ITPKC: variants seen among roughly 807,000 people sequenced by gnomAD.
ITPKC encodes the protein inositol-trisphosphate 3-kinase C, also known as IP3 3-kinase C.
ITPKC carries 33 observed loss-of-function variants against 67.1 expected under a neutral mutation model. The observed-to-expected ratio is 0.49, with a 90% CI of 0.37 to 0.66. ITPKC has a LOEUF of 0.66. Ranked by LOEUF, ITPKC falls within the 30% of genes least tolerant of loss-of-function variation. The pLI is 0.00. For missense variants in ITPKC, 820 were observed against 892.1 expected (o/e 0.92, Z 1.03); for synonymous variants, 341 against 359.8 (o/e 0.95, Z 0.59).
chr19:40,736,226 C>G (rs569938205), intron 4 of ITPKC, among the ~76,000 whole-genome samples: 1 of 151,910 alleles, frequency 6.6e-6, no homozygotes, highest in Non-Finnish European at 1.5e-5. Flanking sequence ...GGGGGCGGAG[C>G]TTGCAGTGAG....
chr19:40,738,013 G>T (rs1385773991), intron 6 of ITPKC, among the ~76,000 whole-genome samples: 1 of 145,564 alleles, frequency 6.9e-6, no homozygotes, highest in African/African-American at 2.5e-5. Flanking sequence ...AAAAAAAAAG[G>T]CCGGGTGCAG....
intron 3 of ITPKC, among the ~76,000 whole-genome samples, chr19:40,732,521 C>CAA (rs33945584): frequency 7.9e-4 from 61 of 77,578 alleles, no homozygotes; most frequent in African/African-American, 2.5e-3. Flanking sequence ...GGGCGGGCGT[C>CAA]AAAAAAAAAA....
At chr19:40,737,635 C>A in intron 5 of ITPKC, 63 bp from the exon 6 acceptor site, 1 of 1,441,798 alleles carries the variant, frequency 6.9e-7, no homozygotes, top group Non-Finnish European at 9.8e-7. Flanking sequence ...GAGGTCAGAG[C>A]TCAAGGTGGG....
rs2082297106 is a variant in ITPKC, at chr19:40,736,932, T to C, written c.1675-54T>C. On this transcript the variant is annotated intron_variant, in intron 4 of 6. Transcript: ENST00000263370. ...GGAGGTATTTGAGGTTGCTGGGTAT[T>C]GGGTGCGGGAAGGAAAAGCCCATGA... 3 of 1,246,714 alleles carry C rather than the reference T, an allele frequency of 2.4e-6. No individual in the cohort carries two copies. The Admixed American group carries it at 6.0e-5, about 25-fold the overall frequency. 77.2% of individuals were successfully genotyped at this position (1,246,714 alleles called of 1,614,324 possible).
At position 40,737,099 on chromosome 19, in the gene ITPKC, AC is replaced by A; in HGVS notation, c.1776+15del. 6.6e-7 allele frequency: 1 copy of A among 1,504,952 alleles called. No homozygotes were observed. The highest frequency in any genetic ancestry group is 9.1e-7 in the Non-Finnish European group (1 of 1,099,128). 93.2% of individuals were successfully genotyped at this position (1,504,952 alleles called of 1,614,324 possible). A position where few individuals can be genotyped will look rare whatever the true frequency, so the allele number is the denominator to read the frequency against. ...ACCACGTCATCCTGGTGAGTGGGAC[AC>A]CCATGTCCCAGAATGTAGCAGCTTA... On this transcript the variant is annotated intron_variant, in intron 5 of 6. Transcript: ENST00000263370.
rs79438016 is a variant in ITPKC, at chr19:40,731,787, G to T, written c.1470-1373G>T. On this transcript the variant is annotated intron_variant, in intron 3 of 6. Transcript: ENST00000263370. ...CAGCATTCCTTCCCCCAGAGTATAGGGTGGGATCCTCTCTGGGGAGGGTCC... is the reference window on the plus strand; with the variant it reads ...CAGCATTCCTTCCCCCAGAGTATAGTGTGGGATCCTCTCTGGGGAGGGTCC... Among the ~76,000 whole-genome samples, 1,010 of 152,084 alleles carry T rather than the reference G, an allele frequency of 6.6e-3. 14 individuals carry two copies. The highest frequency in any genetic ancestry group is 0.023 in the African/African-American group (962 of 41,452).
chr19:40,721,060 A>G (rs1339293213), intron 1 of ITPKC, among the ~76,000 whole-genome samples: 1 of 150,928 alleles, frequency 6.6e-6, no homozygotes, highest in African/African-American at 2.4e-5. Flanking sequence ...CAGGTGTGCT[A>G]TCCTATTCTT....
At chr19:40,729,497 G>A (rs2082261047) in intron 3 of ITPKC, 82 bp downstream of exon 3, 1 of 1,207,694 alleles carries the variant, frequency 8.3e-7, no homozygotes, top group East Asian at 2.5e-5. Flanking sequence ...CAGGCGCGGT[G>A]GCTCACGCCT....
intron 5 of ITPKC, 88 bp from the exon 6 acceptor site, chr19:40,737,610 T>G: frequency 8.5e-7 from 1 of 1,170,022 alleles, no homozygotes; most frequent in Non-Finnish European, 1.3e-6. Context: ...GCCTGCTCCT[T>G]TGGGGGAATG....
chr19:40,732,283 G>T (rs1208737559), intron 3 of ITPKC, among the ~76,000 whole-genome samples: 2 of 148,604 alleles, frequency 1.3e-5, no homozygotes, highest in African/African-American at 2.5e-5. Flanking sequence ...GCTCACACTT[G>T]TAAATGGGAG....
At chr19:40,723,342 C>T (rs1361838696) in intron 1 of ITPKC, among the ~76,000 whole-genome samples, 2 of 152,238 alleles carry the variant, frequency 1.3e-5, no homozygotes, top group East Asian at 3.9e-4. Flanking sequence ...GTGGTCCTCC[C>T]ACCTTGGTTT....
At position 40,740,756 on chromosome 19, in the gene ITPKC, G is replaced by T; in HGVS notation, c.*1196G>T. 2.6e-6 allele frequency: 1 copy of T among 389,242 alleles called. No homozygotes were observed. The highest frequency in any genetic ancestry group is 4.5e-6 in the Non-Finnish European group (1 of 220,330). The allele number at this position is 389,242 out of a possible 1,614,324, so 24.1% of individuals were successfully genotyped here. On this transcript the variant is annotated 3_prime_UTR_variant, in exon 7 of 7. Coordinates refer to ENST00000263370, the MANE Select transcript of ITPKC (RefSeq NM_025194.3). ...ACCATCTTGATACTTATTTATACGA[G>T]AGGCAGTTGCTGGACGGGGTAGTAC...
At chr19:40,733,075 G>A in intron 3 of ITPKC, 85 bp from the exon 4 acceptor site, 3 of 1,163,306 alleles carry the variant, frequency 2.6e-6, no homozygotes, top group Non-Finnish European at 3.8e-6. Flanking sequence ...GTGCCACACT[G>A]TGGCTTTATG....
chr19:40,725,751 A>C (rs887647396), intron 2 of ITPKC, among the ~76,000 whole-genome samples: 2 of 152,190 alleles, frequency 1.3e-5, no homozygotes, highest in African/African-American at 2.4e-5. Flanking sequence ...CCATCTGTTA[A>C]TGTGGAGATA....
intron 3 of ITPKC, among the ~76,000 whole-genome samples, chr19:40,730,086 G>A (rs1015892076): frequency 6.6e-6 from 1 of 152,088 alleles, no homozygotes; most frequent in African/African-American, 2.4e-5. Context: ...ACAAGCGCCC[G>A]CCACCACACC....
chr19:40,738,452 A>C (rs1286478044), intron 6 of ITPKC, among the ~76,000 whole-genome samples: 1 of 150,864 alleles, frequency 6.6e-6, no homozygotes, highest in Non-Finnish European at 1.5e-5. Context: ...ACAACAACAA[A>C]ATTAGCCAGA....
At chr19:40,739,292 C>A in intron 6 of ITPKC, 65 bp from the exon 7 acceptor site, 1 of 1,218,856 alleles carries the variant, frequency 8.2e-7, no homozygotes, top group Non-Finnish European at 1.2e-6. Context: ...TGCTCTGCTG[C>A]CTGTCAGGAA....
At position 40,729,504 on chromosome 19, in the gene ITPKC, G is replaced by A. The variant is rs1599652136; in HGVS notation, c.1469+89G>A. The A allele has an allele frequency of 3.1e-5, 36 of 1,147,560 alleles. No individual in the cohort carries two copies. In the South Asian group the frequency reaches 3.6e-4, roughly 12 times the overall value. 71.1% of individuals were successfully genotyped at this position (1,147,560 alleles called of 1,614,324 possible). A position where few individuals can be genotyped will look rare whatever the true frequency, so the allele number is the denominator to read the frequency against. On this transcript the variant is annotated intron_variant, in intron 3 of 6. Transcript: ENST00000263370. ...GGCCTGGCCAGGCGCGGTGGCTCAC[G>A]CCTGTAATCCCAGCACTTTGGGAGG...
intron 6 of ITPKC, among the ~76,000 whole-genome samples, chr19:40,738,356 G>A (rs1180603739): frequency 1.3e-5 from 2 of 152,164 alleles, no homozygotes; most frequent in African/African-American, 4.8e-5. Context: ...ATGAACCCGG[G>A]AGGTGGAGCT....
Sources: gnomAD v4.1 joint callset for allele counts (sites outside exome capture counted in the v4.1 genomes callset) on GRCh38, gnomAD v4.1.1 for gene constraint, MANE v1.5 for transcripts, NCBI Gene and HGNC (gene_info 2026-07-23, HGNC 2026-07-21) for gene names.